The following PCDH15 variants were observed in gnomAD, a reference collection of about 807,000 sequenced individuals.
PCDH15 encodes the protein protocadherin related 15.
In PCDH15, 129 loss-of-function variants were observed where a neutral mutation model predicts 178.5. That is an observed-to-expected ratio of 0.72 (90% CI 0.63 to 0.84). The LOEUF (loss-of-function observed/expected upper bound fraction) is 0.84. Among genes scored for constraint, PCDH15 ranks in the 40% least tolerant of loss-of-function variants. The pLI, the probability that PCDH15 is intolerant of heterozygous loss-of-function variation, is 0.00. For missense variants in PCDH15, 2,230 were observed against 2,099.9 expected (o/e 1.06, Z -1.21); for synonymous variants, 800 against 732.0 (o/e 1.09, Z -1.50).
At chr10:55,277,485 T>C (rs1842622984) in intron 1 of PCDH15, among the ~76,000 whole-genome samples, 2 of 152,046 alleles carry the variant, frequency 1.3e-5, no homozygotes, top group Non-Finnish European at 2.9e-5. Context: ...AATTTTTTCT[T>C]CCTGGATTCA....
At chr10:54,803,299 T>C (rs1952721984), upstream of PCDH15, among the ~76,000 whole-genome samples, 1 of 152,226 alleles carries the variant, frequency 6.6e-6, no homozygotes, top group Non-Finnish European at 1.5e-5. Context: ...TGTATATGTA[T>C]ATTTTCTTTA....
At chr10:55,432,657 A>G (rs1838911579) in intron 2 of PCDH15, among the ~76,000 whole-genome samples, 1 of 152,152 alleles carries the variant, frequency 6.6e-6, no homozygotes, top group African/African-American at 2.4e-5. Flanking sequence ...CATTTTGCTT[A>G]TACACTGCTG....
chr10:54,295,523 G>A (rs755886603), intron 8 of PCDH15, among the ~76,000 whole-genome samples: 14 of 152,190 alleles, frequency 9.2e-5, no homozygotes, highest in Non-Finnish European at 1.6e-4. Context: ...AACACTCACT[G>A]AGAAGGTTCA....
chr10:55,232,185 CT>C (rs1057120876), intron 1 of PCDH15, among the ~76,000 whole-genome samples: 9 of 147,440 alleles, frequency 6.1e-5, no homozygotes, highest in Non-Finnish European at 1.2e-4. Context: ...AGATGTTAAA[CT>C]TTTTTTAATA....
chr10:54,661,475 G>A (rs1273316913), intron 2 of PCDH15, among the ~76,000 whole-genome samples: 7 of 151,648 alleles, frequency 4.6e-5, no homozygotes, highest in African/African-American at 9.7e-5. Context: ...TGACTGTACT[G>A]CCCAAAGCGA....
At chr10:54,345,282 T>C (rs1018349396) in intron 6 of PCDH15, among the ~76,000 whole-genome samples, 8 of 152,154 alleles carry the variant, frequency 5.3e-5, no homozygotes, top group African/African-American at 1.9e-4. Flanking sequence ...ACTATCCCAA[T>C]AGAGTTTTTT....
At chr10:55,116,591 T>G (rs925877022) in intron 2 of PCDH15, among the ~76,000 whole-genome samples, 1 of 152,112 alleles carries the variant, frequency 6.6e-6, no homozygotes, top group African/African-American at 2.4e-5. Flanking sequence ...AGAAATATGG[T>G]GCAGGCAATA....
intron 25 of PCDH15, among the ~76,000 whole-genome samples, chr10:53,915,841 G>C (rs1426241987): frequency 6.6e-6 from 1 of 152,174 alleles, no homozygotes; most frequent in Non-Finnish European, 1.5e-5. Context: ...ACAGGTGTGA[G>C]CCACTGTGCC....
At chr10:54,072,000 GTAC>G (rs1453697461) in intron 17 of PCDH15, among the ~76,000 whole-genome samples, 14 of 151,762 alleles carry the variant, frequency 9.2e-5, no homozygotes, top group Non-Finnish European at 1.8e-4. Flanking sequence ...ATTATAATTT[GTAC>G]TACATGCTGA....
chr10:54,913,258 C>A (rs1363221492), intron 2 of PCDH15, among the ~76,000 whole-genome samples: 2 of 152,126 alleles, frequency 1.3e-5, no homozygotes, highest in African/African-American at 4.8e-5. Flanking sequence ...TAAGAGAAAA[C>A]CATGGTTTTG....
chr10:54,072,593 C>T (rs1233221590), intron 17 of PCDH15, among the ~76,000 whole-genome samples: 2 of 152,174 alleles, frequency 1.3e-5, no homozygotes, highest in Non-Finnish European at 2.9e-5. Flanking sequence ...TCATCCCCTA[C>T]TGCCACTTTG....
rs377110650 is a variant in PCDH15, at chr10:54,020,171, G to T, written c.2751+21C>A. On this transcript the variant is annotated intron_variant, in intron 20 of 37. Transcript: ENST00000644397. Reference sequence around the variant, plus strand: ...GTAGAGAGAGCAAAGCAGGCAACCAGAAGTCATCTCTAGCCCTTACCTTTA... The same window carrying T: ...GTAGAGAGAGCAAAGCAGGCAACCATAAGTCATCTCTAGCCCTTACCTTTA... 36 of 1,606,680 alleles carry T rather than the reference G, an allele frequency of 2.2e-5. No individual in the cohort carries two copies. In the African/African-American group the frequency reaches 4.4e-4, roughly 20 times the overall value.
At chr10:54,558,164 A>G (rs7073277) in intron 2 of PCDH15, among the ~76,000 whole-genome samples, 120,488 of 152,008 alleles carry the variant, frequency 0.79, 48,388 homozygotes, top group East Asian at 0.99. Context: ...GATGATTATT[A>G]TTTATCCTCC....
chr10:55,139,555 C>T (rs1838291262), intron 2 of PCDH15, among the ~76,000 whole-genome samples: 1 of 151,906 alleles, frequency 6.6e-6, no homozygotes, highest in Non-Finnish European at 1.5e-5. Context: ...GCTATCTTTT[C>T]TTCATTAAAT....
intron 2 of PCDH15, among the ~76,000 whole-genome samples, chr10:54,908,863 G>A (rs1954771288): frequency 2.0e-5 from 3 of 152,022 alleles, no homozygotes; most frequent in African/African-American, 7.2e-5. Context: ...TCTCAGGGGA[G>A]AGGGTAGCTC....
chr10:54,911,696 G>A (rs1448458924), intron 2 of PCDH15, among the ~76,000 whole-genome samples: 4 of 152,048 alleles, frequency 2.6e-5, no homozygotes, highest in Admixed American at 6.6e-5. Context: ...TCTTGGGGTC[G>A]GTTTCTTCCA....
chr10:54,831,137 T>C (rs1953219303), intron 3 of PCDH15, among the ~76,000 whole-genome samples: 1 of 152,140 alleles, frequency 6.6e-6, no homozygotes, highest in South Asian at 2.1e-4. Context: ...GCGTAGAACA[T>C]CTATTTAACT....
chr10:55,350,810 C>T (rs191698561), intron 2 of PCDH15, among the ~76,000 whole-genome samples: 3 of 151,994 alleles, frequency 2.0e-5, no homozygotes, highest in East Asian at 3.9e-4. Flanking sequence ...TGTTTTTTTA[C>T]ACAGTATTTA....
chr10:54,689,483 C>G (rs1220647367), intron 1 of PCDH15, among the ~76,000 whole-genome samples: 2 of 152,176 alleles, frequency 1.3e-5, no homozygotes, highest in East Asian at 1.9e-4. Flanking sequence ...TTACATTTTG[C>G]CTCTGACTAC....
Sources: gnomAD v4.1 joint callset for allele counts (sites outside exome capture counted in the v4.1 genomes callset) on GRCh38, gnomAD v4.1.1 for gene constraint, MANE v1.5 for transcripts, NCBI Gene and HGNC (gene_info 2026-07-23, HGNC 2026-07-21) for gene names.